CAMK2D: variants seen among roughly 807,000 people sequenced by gnomAD.
CAMK2D encodes calcium/calmodulin dependent protein kinase II delta.
In CAMK2D, 37 loss-of-function variants were observed where a neutral mutation model predicts 84.0. The observed-to-expected ratio is 0.44, with a 90% CI of 0.34 to 0.58. CAMK2D has a LOEUF of 0.58. Ranked by LOEUF, CAMK2D falls within the 20% of genes least tolerant of loss-of-function variation. The pLI is 0.02. For synonymous variants in CAMK2D, 202 were observed against 212.5 expected (o/e 0.95, Z 0.43); for missense variants, 448 against 652.5 (o/e 0.69, Z 3.41).
intron 8 of CAMK2D, among the ~76,000 whole-genome samples, chr4:113,529,687 T>A (rs567482149): frequency 6.6e-6 from 1 of 152,230 alleles, no homozygotes; most frequent in Non-Finnish European, 1.5e-5. Flanking sequence ...TCTTTGGGCC[T>A]GCATAGGATA....
At chr4:113,521,757 G>C (rs1263222090) in intron 8 of CAMK2D, among the ~76,000 whole-genome samples, 1 of 150,508 alleles carries the variant, frequency 6.6e-6, no homozygotes, top group Non-Finnish European at 1.5e-5. Flanking sequence ...GTCATATTTA[G>C]AGTCCTTTTC....
chr4:113,757,686 T>A (rs2099631546), intron 2 of CAMK2D, among the ~76,000 whole-genome samples: 1 of 152,072 alleles, frequency 6.6e-6, no homozygotes, highest in Non-Finnish European at 1.5e-5. Context: ...CTTTGGGACA[T>A]GTAGGTAGTT....
chr4:113,617,455 C>T (rs1247968499), intron 3 of CAMK2D, among the ~76,000 whole-genome samples: 2 of 147,992 alleles, frequency 1.4e-5, no homozygotes, highest in African/African-American at 5.0e-5. Context: ...AGAGTGATAC[C>T]CTGTCTTAAA....
intron 2 of CAMK2D, among the ~76,000 whole-genome samples, chr4:113,735,289 G>GAAAAAAAAAA (rs769117708): frequency 4.5e-5 from 2 of 44,764 alleles, no homozygotes; most frequent in African/African-American, 1.5e-4. Context: ...ATCTCTACAG[G>GAAAAAAAAAA]AAAAAAAAAA....
chr4:113,689,060 T>C (rs748792313), intron 2 of CAMK2D, among the ~76,000 whole-genome samples: 31 of 151,122 alleles, frequency 2.1e-4, no homozygotes, highest in Non-Finnish European at 4.4e-4. Flanking sequence ...CTGGCCAACA[T>C]GGTGAAACCC....
At chr4:113,719,639 A>T (rs1191958031) in intron 2 of CAMK2D, among the ~76,000 whole-genome samples, 1 of 152,220 alleles carries the variant, frequency 6.6e-6, no homozygotes, top group Non-Finnish European at 1.5e-5. Context: ...GATTCACAAA[A>T]CACTATCAAG....
intron 2 of CAMK2D, among the ~76,000 whole-genome samples, chr4:113,731,585 C>CTTTTT (rs577555908): frequency 1.6e-5 from 2 of 127,768 alleles, no homozygotes; most frequent in East Asian, 2.3e-4. Flanking sequence ...AGGGTTATTG[C>CTTTTT]TTTTTTTTTT....
intron 2 of CAMK2D, among the ~76,000 whole-genome samples, chr4:113,723,690 C>CAT (rs1004581559): frequency 6.6e-6 from 1 of 152,214 alleles, no homozygotes; most frequent in Middle Eastern, 3.4e-3. Flanking sequence ...TATATGTATA[C>CAT]ATATATATAA....
At position 113,620,808 on chromosome 4, in the gene CAMK2D, G is replaced by A. The variant is rs116869297; in HGVS notation, c.221-11602C>T. Among the ~76,000 whole-genome samples the A allele has an allele frequency of 5.6e-3, 859 of 152,130 alleles. 30 individuals are homozygous for A. In the East Asian group the frequency reaches 0.11, roughly 20 times the overall value. Reference sequence around the variant, plus strand: ...GGCGTAAGCCACCACACACTTCTATGAGCGATATTTTTAAGTAAATTATAT... The same window carrying A: ...GGCGTAAGCCACCACACACTTCTATAAGCGATATTTTTAAGTAAATTATAT... On this transcript the variant is annotated intron_variant, in intron 3 of 20. Transcript: ENST00000511664.
At chr4:113,662,513 G>A (rs1329673432) in intron 2 of CAMK2D, among the ~76,000 whole-genome samples, 1 of 152,116 alleles carries the variant, frequency 6.6e-6, no homozygotes, top group Non-Finnish European at 1.5e-5. Flanking sequence ...AAATATGGTA[G>A]AAACACATGT....
intron 4 of CAMK2D, 97 bp downstream of exon 4, chr4:113,609,055 G>T: frequency 3.1e-6 from 2 of 643,424 alleles, no homozygotes; most frequent in Non-Finnish European, 5.7e-6. Flanking sequence ...AAATATTGTA[G>T]CAGTCAGTAA....
At chr4:113,696,540 A>G (rs559955627) in intron 2 of CAMK2D, among the ~76,000 whole-genome samples, 5 of 152,266 alleles carry the variant, frequency 3.3e-5, no homozygotes, top group Admixed American at 1.3e-4. Context: ...AAGGGTTGTT[A>G]TTACCCACCT....
At chr4:113,653,551 G>T (rs190620036) in intron 3 of CAMK2D, among the ~76,000 whole-genome samples, 5 of 151,932 alleles carry the variant, frequency 3.3e-5, no homozygotes, top group Admixed American at 6.6e-5. Flanking sequence ...AAAAAACTGC[G>T]TCGCTTTCTT....
At position 113,533,159 on chromosome 4, in the gene CAMK2D, A is replaced by G. The variant is rs148653751; in HGVS notation, c.518-1860T>C. On this transcript the variant is annotated intron_variant, in intron 7 of 20. Coordinates refer to ENST00000511664, the MANE Select transcript of CAMK2D (RefSeq NM_001321571.2). Reference sequence around the variant, plus strand: ...GAAATGAAAAGATCATTTAAAATATAAATTATTACAAACCTCTTCTGGAGA... The same window carrying G: ...GAAATGAAAAGATCATTTAAAATATGAATTATTACAAACCTCTTCTGGAGA... 8.0e-3 allele frequency among the ~76,000 whole-genome samples: 1,215 copies of G among 152,280 alleles called. 13 individuals carry two copies. Among genetic ancestry groups the G allele is most frequent in the Middle Eastern group, 0.041 (12 of 294 alleles).
intron 3 of CAMK2D, among the ~76,000 whole-genome samples, chr4:113,639,526 A>C (rs1414811682): frequency 1.3e-5 from 2 of 151,886 alleles, no homozygotes; most frequent in African/African-American, 4.8e-5. Context: ...ACCAGCGCTG[A>C]CTCACTCCTT....
intron 4 of CAMK2D, among the ~76,000 whole-genome samples, chr4:113,581,443 G>C (rs2098808177): frequency 6.6e-6 from 1 of 150,728 alleles, no homozygotes; most frequent in African/African-American, 2.4e-5. Flanking sequence ...AACCCGGGAG[G>C]CGGAGGTTGC....
chr4:113,702,312 G>A (rs984547041), intron 2 of CAMK2D, among the ~76,000 whole-genome samples: 2 of 152,024 alleles, frequency 1.3e-5, no homozygotes, highest in African/African-American at 2.4e-5. Flanking sequence ...TCTAGGCTTC[G>A]CATGTCACAT....
At chr4:113,494,788 G>C (rs1247762346) in intron 16 of CAMK2D, among the ~76,000 whole-genome samples, 4 of 151,556 alleles carry the variant, frequency 2.6e-5, no homozygotes, top group South Asian at 2.1e-4. Flanking sequence ...TAGCAATCAG[G>C]GAGACTCCGT....
At chr4:113,500,328 T>C (rs1450673964) in intron 16 of CAMK2D, 135 bp downstream of exon 16, 2 of 495,022 alleles carry the variant, frequency 4.0e-6, no homozygotes, top group Admixed American at 3.7e-5. Context: ...AAATATTTTT[T>C]ACTCATAAAT....
Sources: gnomAD v4.1 joint callset for allele counts (sites outside exome capture counted in the v4.1 genomes callset) on GRCh38, gnomAD v4.1.1 for gene constraint, MANE v1.5 for transcripts, NCBI Gene and HGNC (gene_info 2026-07-23, HGNC 2026-07-21) for gene names.